The following ZRANB3 variants were observed in gnomAD, a reference collection of about 807,000 sequenced individuals.
ZRANB3 encodes zinc finger RANBP2-type containing 3, also known as DNA annealing helicase and endonuclease ZRANB3.
A neutral mutation model predicts 133.8 loss-of-function variants in ZRANB3; 125 were observed. That is an observed-to-expected ratio of 0.93 (90% CI 0.81 to 1.08). ZRANB3 has a LOEUF of 1.08. Ranked by LOEUF, ZRANB3 falls within the 50% of genes least tolerant of loss-of-function variation. ZRANB3 has a pLI of 0.00. For synonymous variants in ZRANB3, 387 were observed against 432.7 expected (o/e 0.89, Z 1.31); for missense variants, 1,229 against 1,275.5 (o/e 0.96, Z 0.56).
intron 2 of ZRANB3, among the ~76,000 whole-genome samples, chr2:135,417,795 G>C (rs963891927): frequency 2.0e-5 from 3 of 152,192 alleles, no homozygotes. Context: ...AAAGTGATGA[G>C]TTCATGTCCT....
chr2:135,236,001 C>G (rs1695266623), intron 12 of ZRANB3, among the ~76,000 whole-genome samples: 1 of 152,116 alleles, frequency 6.6e-6, no homozygotes, highest in Admixed American at 6.5e-5. Context: ...TCAAATTGTC[C>G]CTGTTTGCAG....
chr2:135,362,509 C>A (rs1166424566), intron 3 of ZRANB3, among the ~76,000 whole-genome samples: 1 of 152,112 alleles, frequency 6.6e-6, no homozygotes, highest in East Asian at 1.9e-4. Flanking sequence ...AAAGGGAGGG[C>A]ACTGAGTCGG....
chr2:135,251,223 T>C (rs1679378261), intron 12 of ZRANB3, among the ~76,000 whole-genome samples: 1 of 152,232 alleles, frequency 6.6e-6, no homozygotes, highest in African/African-American at 2.4e-5. Flanking sequence ...TTCTTCCATT[T>C]GGAATAGCTG....
chr2:135,422,245 T>C (rs554626371), intron 2 of ZRANB3, among the ~76,000 whole-genome samples: 1 of 152,232 alleles, frequency 6.6e-6, no homozygotes, highest in Admixed American at 6.5e-5. Flanking sequence ...ACTCACTGTT[T>C]CTCCTTTCCT....
chr2:135,342,532 A>T (rs1002421917), intron 6 of ZRANB3, among the ~76,000 whole-genome samples: 1 of 148,668 alleles, frequency 6.7e-6, no homozygotes, highest in Non-Finnish European at 1.5e-5. Flanking sequence ...CTAGTGTCAA[A>T]CTCCTGGGCT....
At chr2:135,380,430 A>G (rs1305136830) in intron 3 of ZRANB3, among the ~76,000 whole-genome samples, 1 of 152,208 alleles carries the variant, frequency 6.6e-6, no homozygotes, top group African/African-American at 2.4e-5. Context: ...ACTCCTCAGC[A>G]AATGTAAAAG....
chr2:135,279,711 A>AGTTC (rs1197209278), intron 8 of ZRANB3, among the ~76,000 whole-genome samples: 14 of 152,314 alleles, frequency 9.2e-5, no homozygotes, highest in African/African-American at 3.4e-4. Flanking sequence ...CCAATGCCAA[A>AGTTC]GTTCAAGCCC....
intron 2 of ZRANB3, among the ~76,000 whole-genome samples, chr2:135,496,097 G>C (rs970745709): frequency 2.6e-5 from 4 of 152,132 alleles, no homozygotes; most frequent in South Asian, 4.1e-4. Flanking sequence ...AATTTCCACA[G>C]ACTGGCCAGG....
intron 8 of ZRANB3, among the ~76,000 whole-genome samples, chr2:135,303,043 T>C (rs940872870): frequency 1.3e-5 from 2 of 152,172 alleles, no homozygotes; most frequent in African/African-American, 4.8e-5. Flanking sequence ...AAAGTTATTA[T>C]ACTGTAAACA....
intron 2 of ZRANB3, among the ~76,000 whole-genome samples, chr2:135,420,078 A>C (rs1688766671): frequency 1.5e-5 from 2 of 129,808 alleles, no homozygotes; most frequent in South Asian, 5.4e-4. Flanking sequence ...AGATACATAT[A>C]TATATCTTAG....
At chr2:135,216,937 T>A (rs574512194) in intron 17 of ZRANB3, among the ~76,000 whole-genome samples, 8 of 152,352 alleles carry the variant, frequency 5.3e-5, no homozygotes, top group African/African-American at 1.9e-4. Context: ...GAACCTGTAA[T>A]GATAAGGACA....
chr2:135,340,990 T>TATTG (rs151022760), intron 6 of ZRANB3, among the ~76,000 whole-genome samples: 88,258 of 149,124 alleles, frequency 0.59, 31,733 homozygotes, highest in East Asian at 1. Context: ...ATTTTAGAAA[T>TATTG]ATTATTTGTG....
At chr2:135,257,961 T>C (rs565376728) in intron 12 of ZRANB3, among the ~76,000 whole-genome samples, 1 of 152,278 alleles carries the variant, frequency 6.6e-6, no homozygotes, top group Non-Finnish European at 1.5e-5. Flanking sequence ...GGCAAGTTAA[T>C]AGTATCTTCC....
intron 1 of ZRANB3, among the ~76,000 whole-genome samples, chr2:135,512,958 A>G (rs1244421657): frequency 2.0e-5 from 3 of 152,190 alleles, no homozygotes; most frequent in Non-Finnish European, 4.4e-5. Context: ...AATACAATAA[A>G]CAAATCTGAC....
chr2:135,469,852 A>C (rs952357086), intron 2 of ZRANB3, among the ~76,000 whole-genome samples: 1 of 151,230 alleles, frequency 6.6e-6, no homozygotes, highest in Non-Finnish European at 1.5e-5. Flanking sequence ...CTCTACTAAA[A>C]AATACAAAAA....
intron 3 of ZRANB3, 114 bp downstream of exon 3, chr2:135,390,688 C>T: frequency 7.0e-7 from 1 of 1,436,612 alleles, no homozygotes; most frequent in Non-Finnish European, 9.4e-7. Flanking sequence ...TCTCTCTCCC[C>T]ATCCCCATAT....
intron 6 of ZRANB3, among the ~76,000 whole-genome samples, chr2:135,330,817 A>AT (rs1684102064): frequency 6.6e-6 from 1 of 151,806 alleles, no homozygotes; most frequent in African/African-American, 2.4e-5. Context: ...TTTCTTCTAG[A>AT]TTTTCTAGTT....
At chr2:135,327,637 G>A (rs1040191347) in intron 6 of ZRANB3, among the ~76,000 whole-genome samples, 41 of 152,244 alleles carry the variant, frequency 2.7e-4, no homozygotes, top group African/African-American at 9.4e-4. Flanking sequence ...GTCAAAGGGT[G>A]TTTATATTCT....
chr2:135,342,724 G>A (rs563782018), intron 6 of ZRANB3, among the ~76,000 whole-genome samples: 2 of 149,556 alleles, frequency 1.3e-5, no homozygotes, highest in South Asian at 4.2e-4. Flanking sequence ...GTAAGCTGTG[G>A]TAATAGTGAA....
Sources: allele counts gnomAD v4.1 joint callset (sites outside exome capture counted in the v4.1 genomes callset), GRCh38; gene constraint gnomAD v4.1.1; transcripts MANE v1.5; gene names NCBI Gene and HGNC (gene_info 2026-07-23, HGNC 2026-07-21).